Variants in SLC17A7 observed in about 807,000 individuals in gnomAD.
The protein encoded by SLC17A7 is solute carrier family 17 member 7.
A neutral mutation model predicts 59.1 loss-of-function variants in SLC17A7; 15 were observed. The observed-to-expected ratio is 0.25, with a 90% CI of 0.17 to 0.39. The LOEUF (loss-of-function observed/expected upper bound fraction) is 0.39, where lower values mean the gene tolerates loss of function less well. Ranked by LOEUF, SLC17A7 falls within the 10% of genes least tolerant of loss-of-function variation. The probability of loss-of-function intolerance (pLI) is 1.00; values close to 1 mark genes in which losing one functional copy is unlikely to be tolerated. For missense variants in SLC17A7, 499 were observed against 765.1 expected (o/e 0.65, Z 4.10); for synonymous variants, 353 against 308.9 (o/e 1.14, Z -1.50).
Position 49,441,455 on chromosome 19 carries a change from G to A in SLC17A7, c.-76C>T. 1 of 1,172,302 alleles carries A rather than the reference G, an allele frequency of 8.5e-7. No individual in the cohort carries two copies. Among genetic ancestry groups the A allele is most frequent in the Non-Finnish European group, 1.0e-6 (1 of 965,778 alleles). 72.6% of individuals were successfully genotyped at this position (1,172,302 alleles called of 1,614,324 possible). On this transcript the variant is annotated 5_prime_UTR_variant, in exon 1 of 12. It adds an upstream start codon to the 5' untranslated region. Transcript: ENST00000221485. ...CCCGCCCGCGGGCCCGGGCGGCCGC[G>A]TCCGGGTTCCCGGGGTCCAGCCCCG...
chr19:49,434,353 G>A (rs1437459690), intron 5 of SLC17A7, among the ~76,000 whole-genome samples: 1 of 142,666 alleles, frequency 7.0e-6, no homozygotes, highest in Non-Finnish European at 1.5e-5. Flanking sequence ...TCAGACCCAG[G>A]AGTGCGGGCC....
chr19:49,431,261 G>C lies in SLC17A7; in HGVS notation c.1261+77C>G. On this transcript the variant is annotated intron_variant, in intron 10 of 11. Coordinates refer to ENST00000221485, the MANE Select transcript of SLC17A7 (RefSeq NM_020309.4). This position sits in a 1 kb window ranked among gnomAD's most constrained non-coding sequence, Gnocchi z 4.6. ...CATGTTCCACCTTTTGTGAGGCTGAGAGGCCCCGTTCCTGAGCCAGGAAGT... is the reference window on the plus strand; with the variant it reads ...CATGTTCCACCTTTTGTGAGGCTGACAGGCCCCGTTCCTGAGCCAGGAAGT... The C allele has an allele frequency of 1.3e-6, 2 of 1,585,990 alleles. No individual in the cohort carries two copies. Among genetic ancestry groups the C allele is most frequent in the Non-Finnish European group, 8.6e-7 (1 of 1,160,586 alleles).
Position 49,429,486 on chromosome 19 carries a change from C to T in SLC17A7, c.*1033G>A, listed in dbSNP as rs1246703789. 2 of 398,942 alleles carry T rather than the reference C, an allele frequency of 5.0e-6. No homozygotes were observed. The highest frequency in any genetic ancestry group is 7.1e-5 in the East Asian group (2 of 28,094). The allele number at this position is 398,942 out of a possible 1,614,324, so 24.7% of individuals were successfully genotyped here. ...AGAGACACAAAGACACAACCCTGCA[C>T]TGGGAAAAAACACCCCTGGCTCCTG... On this transcript the variant is annotated 3_prime_UTR_variant, in exon 12 of 12. Transcript: ENST00000221485.
At position 49,433,673 on chromosome 19, in the gene SLC17A7, G is replaced by C; in HGVS notation, c.867+53C>G. ...CGTCCCTGATCTACACGCTGTGCAG[G>C]TTCGTGGCTTGCTATCTCTCCCCGC... On this transcript the variant is annotated intron_variant, in intron 7 of 11. Transcript: ENST00000221485. The surrounding 1 kb of genome is among the most constrained non-coding windows in gnomAD (Gnocchi z 5.7). 1 of 1,612,442 alleles carries C rather than the reference G, an allele frequency of 6.2e-7. No homozygotes were observed. The highest frequency in any genetic ancestry group is 1.3e-5 in the African/African-American group (1 of 75,002).
At chr19:49,438,221 G>A (rs867343535) in intron 1 of SLC17A7, 29 of 152,700 alleles carry the variant, frequency 1.9e-4, no homozygotes, top group African/African-American at 6.8e-4. Flanking sequence ...TGGAAACCTA[G>A]AGAAGGAAGC....
At chr19:49,435,332 T>C (rs1215361406) in intron 2 of SLC17A7, 46 bp from the exon 3 acceptor site, 12 of 1,406,540 alleles carry the variant, frequency 8.5e-6, no homozygotes, top group South Asian at 2.3e-5. Flanking sequence ...GTCCAGGCTC[T>C]GCCGCTCCAC....
In SLC17A7 at chr19:49,431,159, T is replaced by C; in HGVS notation, c.1262-17A>G. 1.2e-6 allele frequency: 2 copies of C among 1,608,838 alleles called. No homozygotes were observed. The highest frequency in any genetic ancestry group is 1.7e-6 in the Non-Finnish European group (2 of 1,176,860). ...CGTTGAACCCTGGCGGAGAGACAAGTCGGAAGGCGTCACACCGGAATCTCA... is the reference window on the plus strand; with the variant it reads ...CGTTGAACCCTGGCGGAGAGACAAGCCGGAAGGCGTCACACCGGAATCTCA... On this transcript the variant is annotated splice_polypyrimidine_tract_variant and intron_variant, in intron 10 of 11. Transcript: ENST00000221485. This position sits in a 1 kb window ranked among gnomAD's most constrained non-coding sequence, Gnocchi z 4.6.
chr19:49,431,310 C>T lies in SLC17A7; in HGVS notation c.1261+28G>A. 6.2e-7 allele frequency: 1 copy of T among 1,610,322 alleles called. No individual in the cohort carries two copies. Among genetic ancestry groups the T allele is most frequent in the Non-Finnish European group, 8.5e-7 (1 of 1,177,152 alleles). On this transcript the variant is annotated intron_variant, in intron 10 of 11. Transcript: ENST00000221485. This position sits in a 1 kb window ranked among gnomAD's most constrained non-coding sequence, Gnocchi z 4.6. ...GTTCCCTACAGAGCTGACCAGAGTC[C>T]CCCAAGCTGCGGATCCGCGGTTCTC...
chr19:49,433,309 G>A lies in SLC17A7; in HGVS notation c.868-349C>T. On this transcript the variant is annotated intron_variant, in intron 7 of 11. Transcript: ENST00000221485. This position sits in a 1 kb window ranked among gnomAD's most constrained non-coding sequence, Gnocchi z 5.7. Reference sequence around the variant, plus strand: ...GGGGTTTCGCCATGTTGCCCAAGCTGGTCTGGAACTCCTGGGCTCAAGCGA... The same window carrying A: ...GGGGTTTCGCCATGTTGCCCAAGCTAGTCTGGAACTCCTGGGCTCAAGCGA... 1 of 399,118 alleles carries A rather than the reference G, an allele frequency of 2.5e-6. No homozygotes were observed. Among genetic ancestry groups the A allele is most frequent in the Non-Finnish European group, 4.6e-6 (1 of 217,528 alleles). 24.7% of individuals were successfully genotyped at this position (399,118 alleles called of 1,614,324 possible).
rs1036750836 is a variant in SLC17A7 at position 49,430,419 on chromosome 19, G to A, written c.*100C>T. 10 of 849,648 alleles carry A rather than the reference G, an allele frequency of 1.2e-5. No individual in the cohort carries two copies. The African/African-American group carries it at 1.5e-4, about 13-fold the overall frequency. 52.6% of individuals were successfully genotyped at this position (849,648 alleles called of 1,614,324 possible). On this transcript the variant is annotated 3_prime_UTR_variant, in exon 12 of 12. Coordinates refer to ENST00000221485, the MANE Select transcript of SLC17A7 (RefSeq NM_020309.4). ...AAGGGAGAGTGCTTCTTAGGCCTGA[G>A]GCAGGACAGAGAGGAGCAGGGTTCC... is the stretch of plus-strand genomic sequence containing the variant.
rs746545092 is a variant in SLC17A7 at position 49,431,010 on chromosome 19, C to T, written c.1389+5G>A. ...GGCAGACTGAGTCAGGACTGCGGCA[C>T]CCACCTTGTGCTTAGTCATGGCCCC... On this transcript the variant is annotated splice_donor_5th_base_variant and intron_variant, in intron 11 of 11. Transcript: ENST00000221485. This position sits in a 1 kb window ranked among gnomAD's most constrained non-coding sequence, Gnocchi z 4.6. The T allele has an allele frequency of 1.9e-6, 3 of 1,603,790 alleles. No homozygotes were observed. The highest frequency in any genetic ancestry group is 1.3e-5 in the African/African-American group (1 of 74,774).
rs2078958093 is a variant in SLC17A7, at chr19:49,431,207, G to A, written c.1262-65C>T. On this transcript the variant is annotated intron_variant, in intron 10 of 11. Transcript: ENST00000221485. This position sits in a 1 kb window ranked among gnomAD's most constrained non-coding sequence, Gnocchi z 4.6. The stretch of plus-strand genomic sequence containing the variant: ...TCACTCGAGTGATTCCCACTGGGAC[G>A]TTCTCAACCCTCTCCCCTCCCCGCC... 2.5e-6 allele frequency: 4 copies of A among 1,571,954 alleles called. No individual in the cohort carries two copies. The highest frequency in any genetic ancestry group is 2.4e-5 in the South Asian group (2 of 84,718).
rs147368622 is a variant in SLC17A7 at position 49,433,863 on chromosome 19, A to G, written c.730T>C (p.Phe244Leu). The G allele has an allele frequency of 5.5e-5, 88 of 1,610,818 alleles. No individual in the cohort carries two copies. The highest frequency in any genetic ancestry group is 7.5e-5 in the Non-Finnish European group (88 of 1,177,772). The change falls in exon 7 of 12, where the codon TTC becomes CTC. Residue 244 changes from phenylalanine (F) to leucine (L), a missense_variant. By Grantham distance (22) the Phe-to-Leu change is conservative. Coordinates refer to ENST00000221485, the MANE Select transcript of SLC17A7 (RefSeq NM_020309.4). The surrounding 1 kb of genome is among the most constrained non-coding windows in gnomAD (Gnocchi z 5.7). The part of the protein sequence containing the change: ...WSSVFYVYGS[F>L]GIFWYLFWLL... The stretch of plus-strand genomic sequence containing the variant: ...CAGAACAGGTACCAGAAGATCCCGA[A>G]GCTGCCTGGGGGGGTCAGGAGGGGG...
chr19:49,431,277 G>A lies in SLC17A7; in HGVS notation c.1261+61C>T, dbSNP rs2078958349. On this transcript the variant is annotated intron_variant, in intron 10 of 11. Coordinates refer to ENST00000221485, the MANE Select transcript of SLC17A7 (RefSeq NM_020309.4). The surrounding 1 kb of genome is among the most constrained non-coding windows in gnomAD (Gnocchi z 4.6). ...TGAGGCTGAGAGGCCCCGTTCCTGA[G>A]CCAGGAAGTTCCCTACAGAGCTGAC... 2.5e-6 allele frequency: 4 copies of A among 1,590,002 alleles called. No individual in the cohort carries two copies. Among genetic ancestry groups the A allele is most frequent in the Non-Finnish European group, 3.4e-6 (4 of 1,162,322 alleles).
In SLC17A7 at chr19:49,432,633, G is replaced by A. The variant is rs2078965078; in HGVS notation, c.1036C>T (p.Leu346=). ...EISKVGLVSA[L]PHLVMTIIVP... ...ATGATGGTCATGACCAGGTGGGGCAGCGCGGACACCAGGCCTACCTGCGGG... is the reference window on the plus strand; with the variant it reads ...ATGATGGTCATGACCAGGTGGGGCAACGCGGACACCAGGCCTACCTGCGGG... The change falls in exon 9 of 12, where the codon CTG becomes TTG. Residue 346 remains leucine, a synonymous_variant. Coordinates refer to ENST00000221485, the MANE Select transcript of SLC17A7 (RefSeq NM_020309.4). 6.2e-7 allele frequency: 1 copy of A among 1,612,856 alleles called. No homozygotes were observed. The highest frequency in any genetic ancestry group is 8.5e-7 in the Non-Finnish European group (1 of 1,179,738).
In SLC17A7 at chr19:49,430,300, G is replaced by A; in HGVS notation, c.*219C>T. 2.1e-6 allele frequency: 1 copy of A among 477,736 alleles called. No homozygotes were observed. Among genetic ancestry groups the A allele is most frequent in the Non-Finnish European group, 3.7e-6 (1 of 271,810 alleles). The allele number at this position is 477,736 out of a possible 1,614,324, so 29.6% of individuals were successfully genotyped here. ...AGAACGGGTGGAGAGGGAACCTTTA[G>A]GGGAATTTGGGTATCCTTGAAACTG... On this transcript the variant is annotated 3_prime_UTR_variant, in exon 12 of 12. Coordinates refer to ENST00000221485, the MANE Select transcript of SLC17A7 (RefSeq NM_020309.4).
Position 49,436,840 on chromosome 19 carries a change from C to T in SLC17A7, c.63-39G>A, listed in dbSNP as rs751002345. On this transcript the variant is annotated intron_variant, in intron 1 of 11. Coordinates refer to ENST00000221485, the MANE Select transcript of SLC17A7 (RefSeq NM_020309.4). This position sits in a 1 kb window ranked among gnomAD's most constrained non-coding sequence, Gnocchi z 4.1. ...AGAGCCAGAGACTCGGAAGTCCAGG[C>T]CCCCAGCCCCCTCACCCCCAAGACC... 2.1e-5 allele frequency: 33 copies of T among 1,581,940 alleles called. No homozygotes were observed. The East Asian group carries it at 7.3e-4, about 35-fold the overall frequency.
chr19:49,438,471 G>A (rs1034243144), intron 1 of SLC17A7, among the ~76,000 whole-genome samples: 1 of 152,036 alleles, frequency 6.6e-6, no homozygotes, highest in African/African-American at 2.4e-5. Flanking sequence ...AGACTGGGAC[G>A]GGGGAGGAAG....
Position 49,433,465 on chromosome 19 carries a change from T to G in SLC17A7, c.867+261A>C. 5.0e-6 allele frequency: 3 copies of G among 603,896 alleles called. No homozygotes were observed. Among genetic ancestry groups the G allele is most frequent in the East Asian group, 3.2e-5 (1 of 31,562 alleles). The allele number at this position is 603,896 out of a possible 1,614,324, so 37.4% of individuals were successfully genotyped here. On this transcript the variant is annotated intron_variant, in intron 7 of 11. Coordinates refer to ENST00000221485, the MANE Select transcript of SLC17A7 (RefSeq NM_020309.4). This position sits in a 1 kb window ranked among gnomAD's most constrained non-coding sequence, Gnocchi z 5.7. Reference sequence around the variant, plus strand: ...TCAAGGTCTAAGCAAAACCCCCACATTCTAATCCCTTCTCTGCTGGCTTTA... The same window carrying G: ...TCAAGGTCTAAGCAAAACCCCCACAGTCTAATCCCTTCTCTGCTGGCTTTA...
Sources: gnomAD v4.1 joint callset for allele counts (sites outside exome capture counted in the v4.1 genomes callset) on GRCh38, gnomAD v4.1.1 for gene constraint, Gnocchi (gnomAD v3.1) non-coding constraint, MANE v1.5 for transcripts, NCBI Gene and HGNC (gene_info 2026-07-23, HGNC 2026-07-21) for gene names.